PRSS50: variants seen among roughly 807,000 people sequenced by gnomAD.
The protein encoded by PRSS50 is probable threonine protease PRSS50.
In PRSS50, 23 loss-of-function variants were observed where a neutral mutation model predicts 34.2. That is an observed-to-expected ratio of 0.67 (90% CI 0.48 to 0.95). The LOEUF (loss-of-function observed/expected upper bound fraction) is 0.95, where lower values mean the gene tolerates loss of function less well. Ranked by LOEUF, PRSS50 falls within the 40% of genes least tolerant of loss-of-function variation. PRSS50 has a pLI of 0.00. For synonymous variants in PRSS50, 224 were observed against 211.2 expected (o/e 1.06, Z -0.53); for missense variants, 484 against 513.4 (o/e 0.94, Z 0.55).
chr3:46,716,399 GCACACACAAC>G lies in PRSS50; in HGVS notation c.308-712_308-703del, dbSNP rs1700684132. Among the ~76,000 whole-genome samples, 1 of 152,096 alleles carries G rather than the reference GCACACACAAC, an allele frequency of 6.6e-6. No individual in the cohort carries two copies. The highest frequency in any genetic ancestry group is 2.4e-5 in the African/African-American group (1 of 41,406). ...GCCTCCTGAATAGCTGGGACTACAGGCACACACAACCACACCCAGCTAATTTTTTTATTTT... is the reference window on the plus strand; with the variant it reads ...GCCTCCTGAATAGCTGGGACTACAGGCACACCCAGCTAATTTTTTTATTTT... On this transcript the variant is annotated intron_variant, in intron 2 of 5. Coordinates refer to ENST00000315170, the MANE Select transcript of PRSS50 (RefSeq NM_013270.5). The surrounding 1 kb of genome is among the most constrained non-coding windows in gnomAD (Gnocchi z 4.4).
rs1559499447 is a variant in PRSS50, at chr3:46,717,853, C to CG, written c.-30dup. 1 of 1,458,550 alleles carries CG rather than the reference C, an allele frequency of 6.9e-7. No homozygotes were observed. 90.4% of individuals were successfully genotyped at this position (1,458,550 alleles called of 1,614,324 possible). On this transcript the variant is annotated 5_prime_UTR_variant, in exon 1 of 6. Coordinates refer to ENST00000315170, the MANE Select transcript of PRSS50 (RefSeq NM_013270.5). The surrounding 1 kb of genome is among the most constrained non-coding windows in gnomAD (Gnocchi z 4.5). ...GGGGTGGCAGCCGACTGCGTCTCTCCGGAAGGCGCTCCCAGTGCCGCCCCC... is the reference window on the plus strand; with the variant it reads ...GGGGTGGCAGCCGACTGCGTCTCTCCGGGAAGGCGCTCCCAGTGCCGCCCCC...
In PRSS50 at chr3:46,713,118, C is replaced by T. The variant is rs75091282; in HGVS notation, c.755-51G>A. On this transcript the variant is annotated intron_variant, in intron 4 of 5. Coordinates refer to ENST00000315170, the MANE Select transcript of PRSS50 (RefSeq NM_013270.5). Reference sequence around the variant, plus strand: ...GCAGCCACTCACCGCTGCCCACTACCGCCAGCCTCACTCGTCCTCTCTCCA... The same window carrying T: ...GCAGCCACTCACCGCTGCCCACTACTGCCAGCCTCACTCGTCCTCTCTCCA... 3.8e-4 allele frequency: 610 copies of T among 1,596,476 alleles called. No homozygotes were observed. In the African/African-American group the frequency reaches 7.0e-3, roughly 18 times the overall value.
intron 4 of PRSS50, 40 bp downstream of exon 4, chr3:46,714,178 C>T (rs1164134398): frequency 1.9e-6 from 3 of 1,593,008 alleles, no homozygotes; most frequent in East Asian, 2.2e-5. Flanking sequence ...CACGTCCTTT[C>T]TCACAGCACC....
chr3:46,713,205 T>A (rs1700641065), intron 4 of PRSS50, 138 bp from the exon 5 acceptor site: 7 of 1,080,326 alleles, frequency 6.5e-6, no homozygotes, highest in Non-Finnish European at 9.4e-6. Context: ...TTCTAGCCCA[T>A]ACCCATCTAG....
Position 46,712,318 on chromosome 3 carries a change from C to T in PRSS50, c.1086G>A (p.Leu362=), listed in dbSNP as rs1684151570. The stretch of plus-strand genomic sequence containing the variant: ...GGGTCCTGGATGGGGCTGGCAGGGC[C>T]AGGGCCTGCCCGTTGAGGCAGTCCC... The part of the protein sequence containing the change: ...WIWDCLNGQA[L]ALPAPSRTLL... The change falls in exon 6 of 6, where the codon CTG becomes CTA. Residue 362 remains leucine (L), a synonymous_variant. Transcript: ENST00000315170. The T allele has an allele frequency of 6.2e-7, 1 of 1,613,392 alleles. No individual in the cohort carries two copies. Among genetic ancestry groups the T allele is most frequent in the Non-Finnish European group, 8.5e-7 (1 of 1,179,878 alleles).
At chr3:46,712,746 T>C (rs1700635878) in intron 5 of PRSS50, among the ~76,000 whole-genome samples, 155 bp downstream of exon 5, 1 of 120,974 alleles carries the variant, frequency 8.3e-6, no homozygotes, top group Non-Finnish European at 1.7e-5. Flanking sequence ...ATCTGTTTCC[T>C]CCCAGTCTCC....
rs980556043 is a variant in PRSS50 at position 46,715,080 on chromosome 3, A to G, written c.470+455T>C. On this transcript the variant is annotated intron_variant, in intron 3 of 5. Transcript: ENST00000315170. This position sits in a 1 kb window ranked among gnomAD's most constrained non-coding sequence, Gnocchi z 5.2. ...CAACCAGGCACCCTTGTGAGCATCT[A>G]TCTTCCTTTCTGTCTCCCCCAACAA... Among the ~76,000 whole-genome samples the G allele has an allele frequency of 3.5e-4, 53 of 152,308 alleles. No individual in the cohort carries two copies. Among genetic ancestry groups the G allele is most frequent in the Middle Eastern group, 3.4e-3 (1 of 294 alleles).
rs1700674340 is a variant in PRSS50 at position 46,715,788 on chromosome 3, C to G, written c.308-91G>C. 2 of 1,391,332 alleles carry G rather than the reference C, an allele frequency of 1.4e-6. No homozygotes were observed. Among genetic ancestry groups the G allele is most frequent in the African/African-American group, 2.9e-5 (2 of 69,608 alleles). 86.2% of individuals were successfully genotyped at this position (1,391,332 alleles called of 1,614,324 possible). On this transcript the variant is annotated intron_variant, in intron 2 of 5. Coordinates refer to ENST00000315170, the MANE Select transcript of PRSS50 (RefSeq NM_013270.5). The surrounding 1 kb of genome is among the most constrained non-coding windows in gnomAD (Gnocchi z 5.2). ...GACCTCGTGCCTCTCCAGCCACTGG[C>G]CTGCACCCATCCAGGGGTGCTCCCT...
At position 46,717,490 on chromosome 3, in the gene PRSS50, G is replaced by T; in HGVS notation, c.254C>A (p.Thr85Asn). ...AACTGGGAATTGGGTCTCCATGGTG[G>T]TCGAGGGCAGTGTCTGGGTGGTCGG... ...QTPTTQTLPS[T>N]TMETQFPVSE... Residue 85 changes from threonine to asparagine, a missense_variant, in exon 2 of 6, where the codon ACC becomes AAC. Transcript: ENST00000315170. This position sits in a 1 kb window ranked among gnomAD's most constrained non-coding sequence, Gnocchi z 4.5. The T allele has an allele frequency of 6.2e-7, 1 of 1,613,924 alleles. No individual in the cohort carries two copies. Among genetic ancestry groups the T allele is most frequent in the Non-Finnish European group, 8.5e-7 (1 of 1,180,002 alleles).
chr3:46,714,744 A>G (rs1216979283), intron 3 of PRSS50, among the ~76,000 whole-genome samples: 1 of 152,180 alleles, frequency 6.6e-6, no homozygotes, highest in African/African-American at 2.4e-5. Context: ...GAGAAGCCCA[A>G]TGAACCACTC....
chr3:46,712,204 C>A lies in PRSS50; in HGVS notation c.*42G>T. ...AGCTGCACCCACAGCAACCTGGGCA[C>A]GGAGGCAAGGGGGGCCCACAAGTGA... is the stretch of plus-strand genomic sequence containing the variant. On this transcript the variant is annotated 3_prime_UTR_variant, in exon 6 of 6. Transcript: ENST00000315170. The A allele has an allele frequency of 6.5e-7, 1 of 1,529,696 alleles. No homozygotes were observed. Among genetic ancestry groups the A allele is most frequent in the Non-Finnish European group, 8.9e-7 (1 of 1,119,618 alleles). The allele number at this position is 1,529,696 out of a possible 1,614,324, so 94.8% of individuals were successfully genotyped here.
intron 4 of PRSS50, 112 bp downstream of exon 4, chr3:46,714,106 G>T: frequency 1.5e-6 from 2 of 1,371,226 alleles, no homozygotes; most frequent in Middle Eastern, 2.5e-4. Context: ...CCCGGGAGCG[G>T]CAGGCTCCCT....
intron 4 of PRSS50, among the ~76,000 whole-genome samples, chr3:46,713,570 C>T (rs964871028): frequency 2.0e-5 from 3 of 152,266 alleles, no homozygotes; most frequent in Non-Finnish European, 4.4e-5. Flanking sequence ...CCCAGGTCCT[C>T]CCACATGGGC....
Position 46,712,723 on chromosome 3 carries a change from A to G in PRSS50, c.921+178T>C, listed in dbSNP as rs569541567. ...CCTCTCACCTCCAACAGCCATCCCC[A>G]TTCCCAGCCCCCATCTGTTTCCTCC... On this transcript the variant is annotated intron_variant, in intron 5 of 5. Transcript: ENST00000315170. Among the ~76,000 whole-genome samples the G allele has an allele frequency of 3.1e-3, 110 of 35,890 alleles. 1 individual carries two copies. The highest frequency in any genetic ancestry group is 0.021 in the South Asian group (26 of 1,220). The allele number at this position is 35,890 out of a possible 152,430, so 23.5% of individuals were successfully genotyped here. A position where few individuals can be genotyped will look rare whatever the true frequency, so the allele number is the denominator to read the frequency against.
chr3:46,717,290 G>A lies in PRSS50; in HGVS notation c.307+147C>T, dbSNP rs1278700022. On this transcript the variant is annotated intron_variant, in intron 2 of 5. Coordinates refer to ENST00000315170, the MANE Select transcript of PRSS50 (RefSeq NM_013270.5). This position sits in a 1 kb window ranked among gnomAD's most constrained non-coding sequence, Gnocchi z 4.5. ...ACAGGACCAGGCCTGACCCACAGGT[G>A]TTTAGTGCTCAATGAACACCTGTAG... The A allele has an allele frequency of 6.8e-6, 6 of 880,150 alleles. No individual in the cohort carries two copies. Among genetic ancestry groups the A allele is most frequent in the Non-Finnish European group, 1.0e-5 (6 of 581,644 alleles). 54.5% of individuals were successfully genotyped at this position (880,150 alleles called of 1,614,324 possible). A position where few individuals can be genotyped will look rare whatever the true frequency, so the allele number is the denominator to read the frequency against.
chr3:46,712,801 T>G, intron 5 of PRSS50, 100 bp downstream of exon 5: 182 of 558,128 alleles, frequency 3.3e-4, no homozygotes, highest in Middle Eastern at 4.6e-4. Context: ...GCCCACCCCC[T>G]TCCCTTCCCC....
rs1251317398 is a variant in PRSS50 at position 46,714,095 on chromosome 3, T to G, written c.754+123A>C. The G allele has an allele frequency of 2.3e-6, 3 of 1,280,232 alleles. No individual in the cohort carries two copies. The African/African-American group carries it at 4.5e-5, about 19-fold the overall frequency. 79.3% of individuals were successfully genotyped at this position (1,280,232 alleles called of 1,614,324 possible). ...CAGAGATGAGAGCCTGGCAGGAAGGTCCCGGGAGCGGCAGGCTCCCTGGGG... is the reference window on the plus strand; with the variant it reads ...CAGAGATGAGAGCCTGGCAGGAAGGGCCCGGGAGCGGCAGGCTCCCTGGGG... On this transcript the variant is annotated intron_variant, in intron 4 of 5. Coordinates refer to ENST00000315170, the MANE Select transcript of PRSS50 (RefSeq NM_013270.5).
At position 46,715,124 on chromosome 3, in the gene PRSS50, T is replaced by TCCCTCC. The variant is rs1700662919; in HGVS notation, c.470+405_470+410dup. On this transcript the variant is annotated intron_variant, in intron 3 of 5. Coordinates refer to ENST00000315170, the MANE Select transcript of PRSS50 (RefSeq NM_013270.5). This position sits in a 1 kb window ranked among gnomAD's most constrained non-coding sequence, Gnocchi z 5.2. ...CCAACAAGCTGGAAGGAATGATCCA[T>TCCCTCC]CCCTCCTCTGCCCCCAGTGTCCAGG... 6.6e-6 allele frequency among the ~76,000 whole-genome samples: 1 copy of TCCCTCC among 152,202 alleles called. No individual in the cohort carries two copies. Among genetic ancestry groups the TCCCTCC allele is most frequent in the South Asian group, 2.1e-4 (1 of 4,832 alleles).
chr3:46,717,794 C>T lies in PRSS50; in HGVS notation c.31G>A (p.Gly11Arg), dbSNP rs1478419144. MGRWCQTVARGQRPRTSAPSR... is the reference protein window; with the variant it reads MGRWCQTVARRQRPRTSAPSR... ...GGGGCAGACGTCCGGGGGCGCTGCC[C>T]GCGCGCGACGGTCTGGCACCAGCGA... The change falls in exon 1 of 6, where the codon GGG becomes AGG. Residue 11 changes from glycine to arginine, a missense_variant. Gly to Arg is a moderately radical substitution (Grantham distance 125). Coordinates refer to ENST00000315170, the MANE Select transcript of PRSS50 (RefSeq NM_013270.5). The surrounding 1 kb of genome is among the most constrained non-coding windows in gnomAD (Gnocchi z 4.5). The T allele has an allele frequency of 1.2e-5, 19 of 1,546,884 alleles. No homozygotes were observed. Among genetic ancestry groups the T allele is most frequent in the South Asian group, 6.0e-5 (5 of 83,246 alleles).
Sources: allele counts gnomAD v4.1 joint callset (sites outside exome capture counted in the v4.1 genomes callset), GRCh38; gene constraint gnomAD v4.1.1; non-coding constraint Gnocchi (gnomAD v3.1); transcripts MANE v1.5; gene names NCBI Gene and HGNC (gene_info 2026-07-23, HGNC 2026-07-21).